ABCB4: variants seen among roughly 807,000 people sequenced by gnomAD.
ABCB4 encodes phosphatidylcholine translocator ABCB4.
ABCB4 carries 76 observed loss-of-function variants against 145.7 expected under a neutral mutation model. The ratio of observed to expected loss-of-function variants is 0.52; its 90% CI spans 0.43 to 0.63. The LOEUF (loss-of-function observed/expected upper bound fraction) is 0.63. Ranked by LOEUF, ABCB4 falls within the 30% of genes least tolerant of loss-of-function variation. The pLI is 0.00. For synonymous variants in ABCB4, 517 were observed against 566.8 expected (o/e 0.91, Z 1.25); for missense variants, 1,234 against 1,553.1 (o/e 0.79, Z 3.45).
intron 22 of ABCB4, 114 bp downstream of exon 22, chr7:87,413,503 A>G: frequency 1.4e-6 from 1 of 734,592 alleles, no homozygotes; most frequent in Non-Finnish European, 2.4e-6. Context: ...AAAAAAGGCC[A>G]CCCTTATAGT....
chr7:87,473,335 A>T (rs1403889108), intron 2 of ABCB4, among the ~76,000 whole-genome samples: 1 of 152,112 alleles, frequency 6.6e-6, no homozygotes, highest in African/African-American at 2.4e-5. Flanking sequence ...TTCCTCTCTG[A>T]CCACATCCCT....
At chr7:87,418,255 C>G (rs927862433) in intron 20 of ABCB4, among the ~76,000 whole-genome samples, 4 of 152,162 alleles carry the variant, frequency 2.6e-5, no homozygotes, top group African/African-American at 9.7e-5. Flanking sequence ...AATAAGGAAG[C>G]CTGTAGTTCT....
chr7:87,474,633 T>C (rs1002945126), intron 2 of ABCB4, among the ~76,000 whole-genome samples: 24 of 152,076 alleles, frequency 1.6e-4, no homozygotes, highest in Non-Finnish European at 2.1e-4. Flanking sequence ...TCATAAACTA[T>C]TTCAGGCTAA....
At chr7:87,445,233 A>C (rs1263215784) in intron 9 of ABCB4, among the ~76,000 whole-genome samples, 1 of 152,124 alleles carries the variant, frequency 6.6e-6, no homozygotes, top group Non-Finnish European at 1.5e-5. Context: ...TCATTGACTC[A>C]CTCACAAATG....
At chr7:87,385,164 T>C in the ABCB4 span, among the ~76,000 whole-genome samples, 2 of 152,114 alleles carry the variant, frequency 1.3e-5, no homozygotes, top group Non-Finnish European at 2.9e-5. Context: ...TGGTATTGCA[T>C]TGGCTATTCT....
At chr7:87,395,269 G>GT in the ABCB4 span, among the ~76,000 whole-genome samples, 3 of 70,524 alleles carry the variant, frequency 4.3e-5, no homozygotes, top group Non-Finnish European at 9.0e-5. Flanking sequence ...AGTCTTTTCA[G>GT]GTTTTTCTGC....
At chr7:87,432,407 A>G (rs1383872575) in intron 14 of ABCB4, among the ~76,000 whole-genome samples, 1 of 152,238 alleles carries the variant, frequency 6.6e-6, no homozygotes, top group Admixed American at 6.5e-5. Flanking sequence ...TAATTCACCT[A>G]AGTGGTTAAC....
chr7:87,369,510 C>T, the ABCB4 span: 1 of 1,508,280 alleles, frequency 6.6e-7, no homozygotes, highest in Non-Finnish European at 9.2e-7. Flanking sequence ...TCTTGAGTTT[C>T]ATTAGGTCTT....
chr7:87,454,611 T>G lies in ABCB4; in HGVS notation c.287-19A>C. ...AAGTTCACTAAATTAAAAAATAAAA[T>G]AAAACATGTTAAAAGATCAAACTAT... On this transcript the variant is annotated intron_variant, in intron 4 of 27. Coordinates refer to ENST00000649586, the MANE Select transcript of ABCB4 (RefSeq NM_000443.4). 6.4e-7 allele frequency: 1 copy of G among 1,570,548 alleles called. No individual in the cohort carries two copies. Among genetic ancestry groups the G allele is most frequent in the Non-Finnish European group, 8.7e-7 (1 of 1,146,208 alleles).
chr7:87,409,769 C>G (rs978781729), intron 23 of ABCB4, among the ~76,000 whole-genome samples: 1 of 152,150 alleles, frequency 6.6e-6, no homozygotes, highest in African/African-American at 2.4e-5. Context: ...GGAATTGAAG[C>G]ACAAAGTGTG....
rs2230027 is a variant in ABCB4, at chr7:87,453,021, A to G, written c.459T>C (p.Phe153=). The stretch of plus-strand genomic sequence containing the variant: ...TTTCCTGTCGTAGAATAGCATGAAA[A>G]AACTTCTGCCTAATTTTCCTGATCT... ...GRQIRKIRQK[F]FHAILRQEIG... Residue 153 remains phenylalanine (F), a synonymous_variant, in exon 6 of 28, where the codon TTT becomes TTC. Transcript: ENST00000649586. 2.9e-3 allele frequency: 4,643 copies of G among 1,614,072 alleles called. 121 individuals are homozygous for G. In the African/African-American group the frequency reaches 0.052, roughly 18 times the overall value.
rs1052237343 is a variant in ABCB4, at chr7:87,460,626, T to G, written c.286+2132A>C. Reference sequence around the variant, plus strand: ...TGCTGGAAAGGACACAATTTTGTATTTATTTATTTATTTATTTATTTATTT... The same window carrying G: ...TGCTGGAAAGGACACAATTTTGTATGTATTTATTTATTTATTTATTTATTT... On this transcript the variant is annotated intron_variant, in intron 4 of 27. Coordinates refer to ENST00000649586, the MANE Select transcript of ABCB4 (RefSeq NM_000443.4). Among the ~76,000 whole-genome samples, 11 of 75,842 alleles carry G rather than the reference T, an allele frequency of 1.5e-4. No homozygotes were observed. The East Asian group carries it at 1.5e-3, about 10-fold the overall frequency. 49.8% of individuals were successfully genotyped at this position (75,842 alleles called of 152,430 possible). A position where few individuals can be genotyped will look rare whatever the true frequency, so the allele number is the denominator to read the frequency against.
chr7:87,464,929 T>C, intron 3 of ABCB4, among the ~76,000 whole-genome samples: 1 of 152,272 alleles, frequency 6.6e-6, no homozygotes, highest in East Asian at 1.9e-4. Flanking sequence ...ACAGCTCCAG[T>C]CAACAGCTCC....
the ABCB4 span, among the ~76,000 whole-genome samples, chr7:87,379,588 C>G: frequency 6.6e-6 from 1 of 152,314 alleles, no homozygotes; most frequent in South Asian, 2.1e-4. Context: ...TTGTCTGTCT[C>G]TGAATAAAGA....
At chr7:87,393,915 C>G in the ABCB4 span, among the ~76,000 whole-genome samples, 1 of 151,986 alleles carries the variant, frequency 6.6e-6, no homozygotes, top group Non-Finnish European at 1.5e-5. Flanking sequence ...TGAAAAAACT[C>G]AAAACTGTGT....
chr7:87,433,672 G>T (rs376372048), intron 14 of ABCB4, among the ~76,000 whole-genome samples: 8,721 of 117,724 alleles, frequency 0.074, 372 homozygotes, highest in South Asian at 0.11. Context: ...AAAAATTGTT[G>T]TTGTTTTTTT....
rs1220256980 is a variant in ABCB4 at position 87,440,203 on chromosome 7, GGTAATT to G, written c.1550_1555del (p.Lys517_Pro519delinsThr). 1 of 1,613,650 alleles carries G rather than the reference GGTAATT, an allele frequency of 6.2e-7. No individual in the cohort carries two copies. On this transcript the variant is annotated inframe_deletion, in exon 13 of 28. Transcript: ENST00000649586. ...CTACTTTATCAGAGGCTTTACCTGT[GGTAATT>G]TCATGATAAACTCATAGGCGTTGGC... is the stretch of plus-strand genomic sequence containing the variant.
chr7:87,398,696 T>TG (rs772296969), downstream of ABCB4: 3 of 1,563,154 alleles, frequency 1.9e-6, no homozygotes, highest in East Asian at 6.8e-5. Context: ...AACTGAGTGC[T>TG]GGGAGTGAGT....
chr7:87,409,461 G>A, intron 23 of ABCB4, 69 bp from the exon 24 acceptor site: 1 of 1,503,130 alleles, frequency 6.7e-7, no homozygotes, highest in Middle Eastern at 1.8e-4. Flanking sequence ...AAAGTCTAAA[G>A]GTATAGTGCT....
Sources: gnomAD v4.1 joint callset for allele counts (sites outside exome capture counted in the v4.1 genomes callset) on GRCh38, gnomAD v4.1.1 for gene constraint, MANE v1.5 for transcripts, NCBI Gene and HGNC (gene_info 2026-07-23, HGNC 2026-07-21) for gene names.